Variants in ACTR3C observed in about 807,000 individuals in gnomAD.
ACTR3C encodes actin-related protein 3C.
A neutral mutation model predicts 26.3 loss-of-function variants in ACTR3C; 18 were observed. The observed-to-expected ratio is 0.68, with a 90% CI of 0.47 to 1.01. The LOEUF is 1.01. Ranked by LOEUF, ACTR3C falls within the 50% of genes least tolerant of loss-of-function variation. The probability of loss-of-function intolerance (pLI) is 0.00; values close to 1 mark genes in which losing one functional copy is unlikely to be tolerated. For synonymous variants in ACTR3C, 55 were observed against 94.5 expected, an observed-to-expected ratio of 0.58 and a Z score of 2.42; for missense variants, 184 against 250.7, an observed-to-expected ratio of 0.73 and a Z score of 1.80.
At chr7:150,189,209 T>TTA in the ACTR3C span, among the ~76,000 whole-genome samples, 2 of 152,060 alleles carry the variant, frequency 1.3e-5, no homozygotes, top group South Asian at 4.1e-4. Context: ...AGAAATAAAT[T>TTA]TACTAGAGTT....
the ACTR3C span, among the ~76,000 whole-genome samples, chr7:150,148,270 A>G: frequency 2.0e-5 from 3 of 151,532 alleles, no homozygotes; most frequent in Non-Finnish European, 4.4e-5. Flanking sequence ...CGAGGTCAGG[A>G]GTTCGAGACC....
the ACTR3C span, among the ~76,000 whole-genome samples, chr7:150,199,272 T>G: frequency 1.6e-5 from 2 of 128,426 alleles, no homozygotes; most frequent in South Asian, 5.0e-4. Flanking sequence ...GAAAAATTCC[T>G]CTGCCTTGGG....
the ACTR3C span, among the ~76,000 whole-genome samples, chr7:150,036,200 G>A: frequency 6.8e-6 from 1 of 146,140 alleles, no homozygotes; most frequent in Non-Finnish European, 1.6e-5. Flanking sequence ...CAGGGGGGAA[G>A]AGGGGATGGA....
chr7:149,982,693 C>T, the ACTR3C span, among the ~76,000 whole-genome samples: 371 of 152,064 alleles, frequency 2.4e-3, no homozygotes, highest in African/African-American at 8.6e-3. Flanking sequence ...CTAAATGAAG[C>T]TCAGTGTAGG....
At chr7:150,249,755 A>G (rs1262704334) in intron 6 of ACTR3C, among the ~76,000 whole-genome samples, 1 of 152,094 alleles carries the variant, frequency 6.6e-6, no homozygotes, top group Non-Finnish European at 1.5e-5. Flanking sequence ...GTGCCTGGCC[A>G]TACCTCATGA....
chr7:150,286,468 T>A lies in ACTR3C; in HGVS notation c.370A>T (p.Ile124Phe). ...AKYDVDPQKW[I>F]KQYTGINAIN... Reference sequence around the variant, plus strand: ...GCATTGATACCCGTGTACTGTTTGATCCACTTCTGGGGATCCACATCATAC... The same window carrying A: ...GCATTGATACCCGTGTACTGTTTGAACCACTTCTGGGGATCCACATCATAC... The change falls in exon 5 of 8, where the codon ATC (isoleucine) becomes TTC (phenylalanine). Residue 124 changes from isoleucine to phenylalanine, a missense_variant. Physicochemically the swap from Ile to Phe is conservative, Grantham distance 21. Transcript: ENST00000683684. The A allele has an allele frequency of 6.2e-7, 1 of 1,612,644 alleles. No individual in the cohort carries two copies. Among genetic ancestry groups the A allele is most frequent in the Non-Finnish European group, 8.5e-7 (1 of 1,179,920 alleles).
chr7:150,236,169 T>C, the ACTR3C span, among the ~76,000 whole-genome samples: 1 of 152,242 alleles, frequency 6.6e-6, no homozygotes, highest in Non-Finnish European at 1.5e-5. Context: ...ACCCTGTATC[T>C]GGGAGAAGCA....
chr7:149,933,073 G>A, the ACTR3C span, among the ~76,000 whole-genome samples: 1 of 101,974 alleles, frequency 9.8e-6, no homozygotes, highest in South Asian at 4.3e-4. Context: ...GCAGGAAGAA[G>A]GCGTGCCCTG....
At chr7:149,948,631 C>T in the ACTR3C span, among the ~76,000 whole-genome samples, 5 of 151,378 alleles carry the variant, frequency 3.3e-5, no homozygotes, top group African/African-American at 1.2e-4. Flanking sequence ...TCACCGTCCC[C>T]GGGCAGTTGC....
chr7:149,993,800 G>A, the ACTR3C span, among the ~76,000 whole-genome samples: 1 of 152,200 alleles, frequency 6.6e-6, no homozygotes, highest in South Asian at 2.1e-4. Context: ...CTGACCCCAC[G>A]GGGCTGGCCT....
chr7:150,006,352 A>T, the ACTR3C span, among the ~76,000 whole-genome samples: 1 of 150,476 alleles, frequency 6.6e-6, no homozygotes. Context: ...ACCCGCCACC[A>T]CGCCTGGCTA....
chr7:150,035,609 C>G, the ACTR3C span, among the ~76,000 whole-genome samples: 1 of 123,230 alleles, frequency 8.1e-6, no homozygotes, highest in African/African-American at 3.1e-5. Flanking sequence ...ACGTAAGGTA[C>G]CTGCCGTCGG....
the ACTR3C span, among the ~76,000 whole-genome samples, chr7:150,060,378 A>C: frequency 2.0e-5 from 3 of 151,720 alleles, no homozygotes; most frequent in African/African-American, 7.3e-5. Flanking sequence ...AAAGTGACAA[A>C]AAAACACTTC....
chr7:150,284,385 C>T lies in ACTR3C; in HGVS notation c.564+368G>A, dbSNP rs866400713. 2.5e-4 allele frequency among the ~76,000 whole-genome samples: 38 copies of T among 152,094 alleles called. No individual in the cohort carries two copies. The Middle Eastern group carries it at 0.01, about 41-fold the overall frequency. On this transcript the variant is annotated intron_variant, in intron 6 of 7. Transcript: ENST00000683684. ...GTGAAACACCATCTCTACTGAAACACACACAAAAAAATTCGCTGGGCGTGG... is the reference window on the plus strand; with the variant it reads ...GTGAAACACCATCTCTACTGAAACATACACAAAAAAATTCGCTGGGCGTGG...
the ACTR3C span, among the ~76,000 whole-genome samples, chr7:150,231,803 G>A: frequency 2.6e-5 from 4 of 151,874 alleles, no homozygotes; most frequent in East Asian, 7.7e-4. Flanking sequence ...CTATCTTGCT[G>A]TATGTTCTAT....
At chr7:150,299,998 T>C (rs1029701881) in intron 1 of ACTR3C, among the ~76,000 whole-genome samples, 1 of 152,042 alleles carries the variant, frequency 6.6e-6, no homozygotes, top group Non-Finnish European at 1.5e-5. Context: ...AAAAAAAAGT[T>C]TAATTCAAAA....
chr7:149,945,822 G>C, the ACTR3C span, among the ~76,000 whole-genome samples: 3 of 152,204 alleles, frequency 2.0e-5, no homozygotes, highest in Non-Finnish European at 4.4e-5. Context: ...TGCTATGCAC[G>C]GACAGTGGTA....
At chr7:150,078,209 T>TC in the ACTR3C span, among the ~76,000 whole-genome samples, 1 of 151,822 alleles carries the variant, frequency 6.6e-6, no homozygotes, top group East Asian at 1.9e-4. Flanking sequence ...TCCAGTTTCT[T>TC]CCCCTTTTTT....
chr7:150,270,311 G>C (rs2129610875), intron 6 of ACTR3C, among the ~76,000 whole-genome samples: 1 of 146,802 alleles, frequency 6.8e-6, no homozygotes, highest in East Asian at 2.0e-4. Flanking sequence ...TCATTTCATG[G>C]AATACAATCA....
Sources: allele counts gnomAD v4.1 joint callset (sites outside exome capture counted in the v4.1 genomes callset), GRCh38; gene constraint gnomAD v4.1.1; transcripts MANE v1.5; gene names NCBI Gene and HGNC (gene_info 2026-07-23, HGNC 2026-07-21).